DLGAP2: variants seen among roughly 807,000 people sequenced by gnomAD.
DLGAP2 encodes the protein DLG associated protein 2, also known as disks large-associated protein 2.
In DLGAP2, 26 loss-of-function variants were observed where a neutral mutation model predicts 100.3. That is an observed-to-expected ratio of 0.26 (90% CI 0.19 to 0.36). DLGAP2 has a LOEUF of 0.36. Among genes scored for constraint, DLGAP2 ranks in the 10% least tolerant of loss-of-function variants. The pLI, the probability that DLGAP2 is intolerant of heterozygous loss-of-function variation, is 1.00. For missense variants in DLGAP2, 1,858 were observed against 1,453.2 expected (o/e 1.28, Z -4.53); for synonymous variants, 886 against 630.1 (o/e 1.41, Z -6.08).
At chr8:887,372 A>T (rs1412638946) in intron 1 of DLGAP2, among the ~76,000 whole-genome samples, 4 of 152,140 alleles carry the variant, frequency 2.6e-5, no homozygotes, top group Non-Finnish European at 5.9e-5. Flanking sequence ...GCCCATTTAC[A>T]TTTAAGGTTA....
intron 2 of DLGAP2, among the ~76,000 whole-genome samples, chr8:1,215,874 C>G (rs896221868): frequency 4.9e-5 from 7 of 143,748 alleles, no homozygotes; most frequent in Admixed American, 4.8e-4. Flanking sequence ...CACCTGGAGA[C>G]GTCCAGGTAC....
intron 3 of DLGAP2, among the ~76,000 whole-genome samples, chr8:1,273,019 C>T (rs997485880): frequency 6.6e-6 from 1 of 152,172 alleles, no homozygotes; most frequent in Non-Finnish European, 1.5e-5. Context: ...CCACCTCTGC[C>T]TTGAATATCT....
chr8:1,641,428 A>C (rs1446040373), intron 8 of DLGAP2, among the ~76,000 whole-genome samples: 2 of 152,162 alleles, frequency 1.3e-5, no homozygotes, highest in Admixed American at 6.5e-5. Context: ...TACAACATGA[A>C]TGCTGGGATG....
intron 3 of DLGAP2, among the ~76,000 whole-genome samples, chr8:1,490,626 G>A (rs1021329187): frequency 6.6e-6 from 1 of 152,116 alleles, no homozygotes; most frequent in Non-Finnish European, 1.5e-5. Flanking sequence ...ATGGGCCCTC[G>A]GTTAATCACT....
chr8:1,566,024 C>T (rs1802387331), intron 6 of DLGAP2, 130 bp downstream of exon 6: 1 of 640,586 alleles, frequency 1.6e-6, no homozygotes, highest in Non-Finnish European at 2.4e-6. Context: ...AAATATTAGA[C>T]CCATGGCTGT....
chr8:1,521,148 C>T (rs1800582428), intron 4 of DLGAP2, among the ~76,000 whole-genome samples: 1 of 148,666 alleles, frequency 6.7e-6, no homozygotes, highest in African/African-American at 2.5e-5. Context: ...ATTTGGAATA[C>T]TTGGGCGGCA....
intron 2 of DLGAP2, among the ~76,000 whole-genome samples, chr8:1,188,143 C>T (rs535958115): frequency 4.9e-5 from 7 of 142,920 alleles, no homozygotes; most frequent in Admixed American, 2.1e-4. Context: ...CTCGCACGCC[C>T]GGGACTTCCG....
At chr8:748,171 G>A (rs1469290589) in intron 1 of DLGAP2, among the ~76,000 whole-genome samples, 1 of 97,258 alleles carries the variant, frequency 1.0e-5, no homozygotes, top group African/African-American at 4.0e-5. Context: ...GGTCTGCGGT[G>A]GGATGGGCGG....
At chr8:946,564 G>A (rs1051212019) in intron 2 of DLGAP2, among the ~76,000 whole-genome samples, 2 of 152,148 alleles carry the variant, frequency 1.3e-5, no homozygotes, top group Admixed American at 6.5e-5. Flanking sequence ...CGCCCGGCCC[G>A]TTCCTTAGTT....
chr8:1,090,502 G>A (rs1489877368), intron 2 of DLGAP2, among the ~76,000 whole-genome samples: 2 of 152,206 alleles, frequency 1.3e-5, no homozygotes, highest in Non-Finnish European at 2.9e-5. Flanking sequence ...ACAGGCATGT[G>A]CACAGATGCC....
intron 3 of DLGAP2, among the ~76,000 whole-genome samples, chr8:1,387,111 G>A (rs921536060): frequency 5.9e-5 from 9 of 152,164 alleles, no homozygotes; most frequent in Non-Finnish European, 5.9e-5. Flanking sequence ...GTATCATATA[G>A]CAAAACAGCA....
At position 1,417,723 on chromosome 8, in the gene DLGAP2, C is replaced by T. The variant is rs1244856597; in HGVS notation, c.107-83643C>T. ...CACTCCTGCCTCACTCGGCGAGGCT[C>T]CAGACACAGAAGCCCACGGAGACCT... On this transcript the variant is annotated intron_variant, in intron 3 of 14. Transcript: ENST00000637795. 8.1e-5 allele frequency among the ~76,000 whole-genome samples: 12 copies of T among 147,952 alleles called. 2 individuals are homozygous for T. The highest frequency in any genetic ancestry group is 8.0e-4 in the Admixed American group (12 of 15,076).
At chr8:1,695,818 C>T (rs960901640) in intron 13 of DLGAP2, among the ~76,000 whole-genome samples, 5 of 152,260 alleles carry the variant, frequency 3.3e-5, no homozygotes, top group African/African-American at 7.2e-5. Flanking sequence ...CGACTGACTT[C>T]GGTGCAGAAC....
At chr8:887,298 AC>A (rs1797942114) in intron 1 of DLGAP2, among the ~76,000 whole-genome samples, 1 of 152,016 alleles carries the variant, frequency 6.6e-6, no homozygotes, top group African/African-American at 2.4e-5. Flanking sequence ...TGAATACAGC[AC>A]ACTGATGGGT....
chr8:1,699,994 T>C (rs928414681), intron 14 of DLGAP2, among the ~76,000 whole-genome samples: 1 of 152,234 alleles, frequency 6.6e-6, no homozygotes, highest in African/African-American at 2.4e-5. Flanking sequence ...CTTGTTAAAG[T>C]AGCTGAAGGT....
chr8:1,464,373 C>T lies in DLGAP2; in HGVS notation c.107-36993C>T, dbSNP rs1033156689. On this transcript the variant is annotated intron_variant, in intron 3 of 14. Transcript: ENST00000637795. ...GGCACCCTTCCAGGACAACGCCCTT[C>T]CAGGATGGCACCCTTCCGGAATGGC... 1.4e-5 allele frequency among the ~76,000 whole-genome samples: 2 copies of T among 142,690 alleles called. 1 individual carries two copies. The highest frequency in any genetic ancestry group is 3.1e-5 in the Non-Finnish European group (2 of 65,104). 93.6% of individuals were successfully genotyped at this position (142,690 alleles called of 152,430 possible).
intron 4 of DLGAP2, among the ~76,000 whole-genome samples, chr8:1,510,794 T>C (rs7835872): frequency 0.44 from 66,237 of 151,700 alleles, 15,206 homozygotes; most frequent in South Asian, 0.66. Context: ...TAAAATATTA[T>C]ATGTCCAAGT....
At chr8:1,469,446 T>G (rs541833001) in intron 3 of DLGAP2, among the ~76,000 whole-genome samples, 8 of 152,338 alleles carry the variant, frequency 5.3e-5, no homozygotes, top group Admixed American at 3.3e-4. Flanking sequence ...CAAACTGCAG[T>G]ACATCCCTCT....
At chr8:973,111 C>T (rs1025666480) in intron 2 of DLGAP2, among the ~76,000 whole-genome samples, 9 of 152,244 alleles carry the variant, frequency 5.9e-5, no homozygotes, top group African/African-American at 1.7e-4. Flanking sequence ...CATCATGGCC[C>T]GTTCTCAATG....
Sources: allele counts gnomAD v4.1 joint callset (sites outside exome capture counted in the v4.1 genomes callset), GRCh38; gene constraint gnomAD v4.1.1; transcripts MANE v1.5; gene names NCBI Gene and HGNC (gene_info 2026-07-23, HGNC 2026-07-21).